RNF38: variants seen among roughly 807,000 people sequenced by gnomAD.
The protein encoded by RNF38 is E3 ubiquitin-protein ligase RNF38.
Under a neutral mutation model 67.2 loss-of-function variants are expected in RNF38, and 15 were observed. The ratio of observed to expected loss-of-function variants is 0.22; its 90% CI spans 0.15 to 0.34. RNF38 has a LOEUF of 0.34. RNF38 is among the 10% of genes least tolerant of loss of function. The pLI is 1.00. For missense variants in RNF38, 524 were observed against 639.9 expected (o/e 0.82, Z 1.95); for synonymous variants, 220 against 218.8 (o/e 1.01, Z -0.05).
chr9:36,478,210 C>G (rs539833485), intron 1 of RNF38, among the ~76,000 whole-genome samples: 1 of 151,156 alleles, frequency 6.6e-6, no homozygotes, highest in African/African-American at 2.4e-5. Context: ...TGAGACCATT[C>G]TGGCTAACAT....
At chr9:36,348,856 G>C (rs1587472737) in intron 9 of RNF38, among the ~76,000 whole-genome samples, 1 of 152,212 alleles carries the variant, frequency 6.6e-6, no homozygotes, top group African/African-American at 2.4e-5. Flanking sequence ...CTAAACAATG[G>C]ATTTTCAATG....
intron 2 of RNF38, among the ~76,000 whole-genome samples, chr9:36,384,430 A>C (rs1211279801): frequency 6.6e-6 from 1 of 152,198 alleles, no homozygotes; most frequent in Non-Finnish European, 1.5e-5. Flanking sequence ...ATTGCCCCTC[A>C]AAAGTTTATG....
intron 1 of RNF38, among the ~76,000 whole-genome samples, chr9:36,452,775 C>T (rs539739710): frequency 8.5e-5 from 13 of 152,276 alleles, no homozygotes; most frequent in East Asian, 7.7e-4. Context: ...TCAAGTGATC[C>T]GCCTGCCCTG....
intron 1 of RNF38, among the ~76,000 whole-genome samples, chr9:36,466,093 A>T (rs1189564544): frequency 6.6e-6 from 1 of 152,216 alleles, no homozygotes; most frequent in Non-Finnish European, 1.5e-5. Flanking sequence ...GATACATGTC[A>T]CAACATAGAT....
chr9:36,408,242 G>T (rs1330286675), intron 2 of RNF38, among the ~76,000 whole-genome samples: 8 of 151,300 alleles, frequency 5.3e-5, no homozygotes, highest in Non-Finnish European at 1.2e-4. Flanking sequence ...GGGACTACAG[G>T]CATACACCAC....
At chr9:36,376,787 G>A (rs1297619452) in intron 2 of RNF38, among the ~76,000 whole-genome samples, 3 of 151,920 alleles carry the variant, frequency 2.0e-5, no homozygotes, top group Non-Finnish European at 4.4e-5. Context: ...TTAGCTGGGC[G>A]TGGTGGCACA....
At chr9:36,478,320 C>A (rs182953741) in intron 1 of RNF38, among the ~76,000 whole-genome samples, 314 of 142,814 alleles carry the variant, frequency 2.2e-3, no homozygotes, top group African/African-American at 7.6e-3. Flanking sequence ...AGGAGAATGG[C>A]GTGAACCTGG....
At position 36,478,125 on chromosome 9, in the gene RNF38, A is replaced by G. The variant is rs559111970; in HGVS notation, n.241+9183T>C. On this transcript the variant is annotated intron_variant and non_coding_transcript_variant, in intron 1 of 3. Coordinates refer to the RNF38 transcript ENST00000488058. ...CAAGACTTCTTAGAAGCACATCATG[A>G]CGTAGAATGGTTGATATAAGTGTTT... Among the ~76,000 whole-genome samples the G allele has an allele frequency of 3.3e-5, 5 of 152,268 alleles. No homozygotes were observed. In the East Asian group the frequency reaches 5.8e-4, roughly 18 times the overall value.
At chr9:36,401,924 C>T (rs2134165996), upstream of RNF38, among the ~76,000 whole-genome samples, 1 of 152,292 alleles carries the variant, frequency 6.6e-6, no homozygotes, top group Admixed American at 6.5e-5. Flanking sequence ...CTCTCTGGGC[C>T]TCAGCTGCAA....
intron 1 of RNF38, among the ~76,000 whole-genome samples, chr9:36,442,163 C>T (rs1295542387): frequency 2.0e-5 from 3 of 152,110 alleles, no homozygotes; most frequent in Non-Finnish European, 4.4e-5. Context: ...TAGCTCAAAC[C>T]GGCTGTCAAC....
Position 36,473,982 on chromosome 9 carries a change from T to C in RNF38, n.241+13326A>G, listed in dbSNP as rs1162929355. ...GCCTGGGCAATAGAGCAAGACTCCA[T>C]CTCGGGAAAAAAAAAAAAAAAAACC... On this transcript the variant is annotated intron_variant and non_coding_transcript_variant, in intron 1 of 3. Coordinates refer to the RNF38 transcript ENST00000488058. Among the ~76,000 whole-genome samples, 8 of 124,188 alleles carry C rather than the reference T, an allele frequency of 6.4e-5. No homozygotes were observed. The South Asian group carries it at 1.0e-3, about 16-fold the overall frequency. The allele number at this position is 124,188 out of a possible 152,430, so 81.5% of individuals were successfully genotyped here.
intron 3 of RNF38, among the ~76,000 whole-genome samples, chr9:36,370,363 T>A (rs1010944971): frequency 6.6e-6 from 1 of 152,158 alleles, no homozygotes; most frequent in African/African-American, 2.4e-5. Context: ...TCTATTTAGC[T>A]AACACATACA....
In RNF38 at chr9:36,473,439, T is replaced by G. The variant is rs79434160; in HGVS notation, n.241+13869A>C. ...CTCGTTTCTACTAAAATACAAAAAATTAGCCAGGCATGGTGGTGCGCACCT... is the reference window on the plus strand; with the variant it reads ...CTCGTTTCTACTAAAATACAAAAAAGTAGCCAGGCATGGTGGTGCGCACCT... On this transcript the variant is annotated intron_variant and non_coding_transcript_variant, in intron 1 of 3. Coordinates refer to the RNF38 transcript ENST00000488058. 8.6e-5 allele frequency among the ~76,000 whole-genome samples: 13 copies of G among 151,008 alleles called. No individual in the cohort carries two copies. The East Asian group carries it at 2.6e-3, about 30-fold the overall frequency.
At chr9:36,444,481 G>A (rs929635412) in intron 1 of RNF38, among the ~76,000 whole-genome samples, 1 of 152,110 alleles carries the variant, frequency 6.6e-6, no homozygotes, top group Non-Finnish European at 1.5e-5. Flanking sequence ...AAAAATAAGA[G>A]TGATTAACAG....
At chr9:36,373,540 C>T (rs1386022101) in intron 3 of RNF38, among the ~76,000 whole-genome samples, 1 of 149,618 alleles carries the variant, frequency 6.7e-6, no homozygotes, top group Non-Finnish European at 1.5e-5. Flanking sequence ...TTTGAGGGAT[C>T]AATAACACTA....
At chr9:36,433,389 CATAA>C (rs1838979675) in intron 1 of RNF38, among the ~76,000 whole-genome samples, 1 of 151,602 alleles carries the variant, frequency 6.6e-6, no homozygotes, top group Non-Finnish European at 1.5e-5. Context: ...CATGTACCCC[CATAA>C]ATATATACAC....
chr9:36,375,834 G>C, intron 3 of RNF38, 100 bp downstream of exon 3: 1 of 1,113,580 alleles, frequency 9.0e-7, no homozygotes, highest in South Asian at 1.5e-5. Context: ...GTGGTGATGT[G>C]TTTATGAAAT....
intron 1 of RNF38, among the ~76,000 whole-genome samples, chr9:36,455,626 C>T (rs1032106742): frequency 6.6e-6 from 1 of 151,810 alleles, no homozygotes; most frequent in Non-Finnish European, 1.5e-5. Context: ...ACTAAAAGTA[C>T]AAAAATTACA....
intron 2 of RNF38, among the ~76,000 whole-genome samples, chr9:36,417,308 G>C (rs918048105): frequency 2.0e-5 from 3 of 152,172 alleles, no homozygotes; most frequent in Admixed American, 2.0e-4. Context: ...TCCTGCGGTA[G>C]TTCTTGAAGC....
Sources: allele counts gnomAD v4.1 joint callset (sites outside exome capture counted in the v4.1 genomes callset), GRCh38; gene constraint gnomAD v4.1.1; transcripts MANE v1.5; gene names NCBI Gene and HGNC (gene_info 2026-07-23, HGNC 2026-07-21).